Variants in FARS2 observed in about 807,000 individuals in gnomAD.
The protein encoded by FARS2 is phenylalanine--tRNA ligase, mitochondrial.
A neutral mutation model predicts 46.4 loss-of-function variants in FARS2; 40 were observed. The ratio of observed to expected loss-of-function variants is 0.86; its 90% CI spans 0.67 to 1.12. The LOEUF (loss-of-function observed/expected upper bound fraction) is 1.12. Among genes scored for constraint, FARS2 ranks in the 50% most tolerant of loss-of-function variants. FARS2 has a pLI of 0.00. For synonymous variants in FARS2, 234 were observed against 214.9 expected (o/e 1.09, Z -0.78); for missense variants, 513 against 567.9 (o/e 0.90, Z 0.98).
At chr6:5,675,498 A>T (rs1373427647) in intron 6 of FARS2, among the ~76,000 whole-genome samples, 2 of 152,248 alleles carry the variant, frequency 1.3e-5, no homozygotes, top group African/African-American at 4.8e-5. Context: ...TTGTTTAGTC[A>T]TGAAATATGT....
intron 6 of FARS2, among the ~76,000 whole-genome samples, chr6:5,673,224 G>A (rs529856585): frequency 8.7e-4 from 133 of 152,334 alleles, no homozygotes; most frequent in African/African-American, 3.1e-3. Flanking sequence ...AATCATGTAT[G>A]TGTCAGTTTC....
At chr6:5,635,996 A>G (rs1487166150) in intron 6 of FARS2, among the ~76,000 whole-genome samples, 1 of 152,214 alleles carries the variant, frequency 6.6e-6, no homozygotes, top group Admixed American at 6.5e-5. Flanking sequence ...AAAACACATA[A>G]GCTACTAGAC....
intron 4 of FARS2, among the ~76,000 whole-genome samples, chr6:5,491,817 T>G (rs1324754142): frequency 1.3e-5 from 2 of 152,180 alleles, no homozygotes; most frequent in Admixed American, 1.3e-4. Flanking sequence ...ACACCTCACA[T>G]GTAAGTATAA....
intron 4 of FARS2, among the ~76,000 whole-genome samples, chr6:5,503,340 A>G (rs1314121119): frequency 6.6e-6 from 1 of 150,934 alleles, no homozygotes; most frequent in Non-Finnish European, 1.5e-5. Flanking sequence ...ATCATATACT[A>G]GAAATTGCTA....
chr6:5,582,086 C>T (rs113058244), intron 5 of FARS2, among the ~76,000 whole-genome samples: 7 of 138,620 alleles, frequency 5.0e-5, no homozygotes, highest in South Asian at 2.7e-4. Flanking sequence ...AACATACTTC[C>T]GGTTAATTCC....
chr6:5,511,664 G>GAGGAAAAGGGTCATTTCGT (rs1170084951), intron 4 of FARS2, among the ~76,000 whole-genome samples: 1 of 152,198 alleles, frequency 6.6e-6, no homozygotes, highest in African/African-American at 2.4e-5. Context: ...AGGGCTATTG[G>GAGGAAAAGGGTCATTTCGT]AGGAAAAGGG....
chr6:5,638,371 T>C (rs1776645490), intron 6 of FARS2, among the ~76,000 whole-genome samples: 1 of 152,102 alleles, frequency 6.6e-6, no homozygotes, highest in Admixed American at 6.5e-5. Flanking sequence ...TCCAGACCAA[T>C]GTGGCCACCT....
intron 6 of FARS2, among the ~76,000 whole-genome samples, chr6:5,683,533 T>C (rs1231732189): frequency 6.6e-6 from 1 of 152,090 alleles, no homozygotes; most frequent in African/African-American, 2.4e-5. Context: ...ACCACCAGCC[T>C]AGGAGCTGGG....
chr6:5,299,453 G>A (rs542667208), intron 1 of FARS2, among the ~76,000 whole-genome samples: 42 of 152,240 alleles, frequency 2.8e-4, no homozygotes, highest in Admixed American at 1.0e-3. Context: ...GAGCTGTATC[G>A]GTATAATCTT....
upstream of FARS2, chr6:5,260,550 G>A (rs1039499419): frequency 4.8e-6 from 7 of 1,473,512 alleles, no homozygotes; most frequent in Non-Finnish European, 6.4e-6. Flanking sequence ...GGCAAACCAC[G>A]GTGGCTCCCA....
chr6:5,699,585 G>A (rs1758300292), intron 6 of FARS2, among the ~76,000 whole-genome samples: 1 of 151,606 alleles, frequency 6.6e-6, no homozygotes. Context: ...TCGGCTCACT[G>A]CAACCTCCGC....
Position 5,648,423 on chromosome 6 carries a change from A to C in FARS2, c.1217+35103A>C, listed in dbSNP as rs185674351. 7.6e-4 allele frequency among the ~76,000 whole-genome samples: 115 copies of C among 152,014 alleles called. No individual in the cohort carries two copies. The East Asian group carries it at 0.021, about 28-fold the overall frequency. ...CCTTGGTCAGCTTGTTTCTCTCCCTACCTGGGATGCTGCATGTCAGGGTTC... is the reference window on the plus strand; with the variant it reads ...CCTTGGTCAGCTTGTTTCTCTCCCTCCCTGGGATGCTGCATGTCAGGGTTC... On this transcript the variant is annotated intron_variant, in intron 6 of 6. Transcript: ENST00000274680.
chr6:5,318,137 G>A (rs931875411), intron 1 of FARS2, among the ~76,000 whole-genome samples: 5 of 152,050 alleles, frequency 3.3e-5, no homozygotes, highest in African/African-American at 1.2e-4. Context: ...AAGGCGGGAG[G>A]ATCACGAGGT....
At chr6:5,506,283 T>C (rs1768093475) in intron 4 of FARS2, among the ~76,000 whole-genome samples, 1 of 152,128 alleles carries the variant, frequency 6.6e-6, no homozygotes, top group Admixed American at 6.5e-5. Flanking sequence ...CGGGACTCAG[T>C]AAAGGGCAGG....
At position 5,727,044 on chromosome 6, in the gene FARS2, T is replaced by C. The variant is rs1370315609; in HGVS notation, c.1218-44247T>C. The stretch of plus-strand genomic sequence containing the variant: ...GCCTTGGGTCAGATACTTGGCCTCA[T>C]TGAGCTTCACTTCCACCGTCTGTAA... On this transcript the variant is annotated intron_variant, in intron 6 of 6. Transcript: ENST00000274680. The surrounding 1 kb of genome is among the most constrained non-coding windows in gnomAD (Gnocchi z 4.1). 6.6e-6 allele frequency among the ~76,000 whole-genome samples: 1 copy of C among 152,250 alleles called. No homozygotes were observed. Among genetic ancestry groups the C allele is most frequent in the Non-Finnish European group, 1.5e-5 (1 of 68,042 alleles).
intron 1 of FARS2, among the ~76,000 whole-genome samples, chr6:5,366,517 G>T (rs1328820485): frequency 6.6e-6 from 1 of 152,144 alleles, no homozygotes; most frequent in Non-Finnish European, 1.5e-5. Context: ...GAGAATGTAA[G>T]CAGGGCTGAG....
intron 1 of FARS2, among the ~76,000 whole-genome samples, chr6:5,310,472 A>G (rs552092945): frequency 6.6e-6 from 1 of 152,222 alleles, no homozygotes; most frequent in African/African-American, 2.4e-5. Context: ...TGTAATACAT[A>G]TGACCAAGAA....
At chr6:5,445,974 C>G (rs1172895656) in intron 4 of FARS2, among the ~76,000 whole-genome samples, 1 of 152,126 alleles carries the variant, frequency 6.6e-6, no homozygotes, top group East Asian at 1.9e-4. Context: ...CCGAGGCAGG[C>G]AGATCACGAG....
chr6:5,412,189 G>A (rs1008242632), intron 3 of FARS2, among the ~76,000 whole-genome samples: 1 of 152,154 alleles, frequency 6.6e-6, no homozygotes, highest in Non-Finnish European at 1.5e-5. Flanking sequence ...ATTGCCGATC[G>A]CCTGCAGCTG....
Sources: allele counts gnomAD v4.1 joint callset (sites outside exome capture counted in the v4.1 genomes callset), GRCh38; gene constraint gnomAD v4.1.1; non-coding constraint Gnocchi (gnomAD v3.1); transcripts MANE v1.5; gene names NCBI Gene and HGNC (gene_info 2026-07-23, HGNC 2026-07-21).